The following SLC22A9 variants were observed in gnomAD, a reference collection of about 807,000 sequenced individuals.
SLC22A9 encodes solute carrier family 22 member 9.
A neutral mutation model predicts 50.1 loss-of-function variants in SLC22A9; 64 were observed. That is an observed-to-expected ratio of 1.28 (90% CI 1.04 to 1.57). The LOEUF (loss-of-function observed/expected upper bound fraction) is 1.57, where lower values mean the gene tolerates loss of function less well. Among genes scored for constraint, SLC22A9 ranks in the 40% most tolerant of loss-of-function variants. The pLI, the probability that SLC22A9 is intolerant of heterozygous loss-of-function variation, is 0.00. For synonymous variants in SLC22A9, 261 were observed against 242.5 expected (o/e 1.08, Z -0.71); for missense variants, 757 against 676.1 (o/e 1.12, Z -1.33).
chr11:63,378,550 C>T lies in SLC22A9; in HGVS notation c.954+2782C>T, dbSNP rs145334465. 2.2e-3 allele frequency among the ~76,000 whole-genome samples: 336 copies of T among 151,452 alleles called. 15 individuals are homozygous for T. In the East Asian group the frequency reaches 0.052, roughly 24 times the overall value. On this transcript the variant is annotated intron_variant, in intron 5 of 9. Transcript: ENST00000279178. ...GTAATTAGACAAAAGAAAGAAAAGG[C>T]CACAAAATAGGAAGAGAGGAAGTCA...
intron 7 of SLC22A9, 135 bp from the exon 8 acceptor site, chr11:63,407,977 T>G: frequency 1.6e-6 from 1 of 610,922 alleles, no homozygotes. Flanking sequence ...GCACATTCTT[T>G]GCCTCTATGC....
intron 9 of SLC22A9, 42 bp from the exon 10 acceptor site, chr11:63,409,760 C>A: frequency 6.4e-7 from 1 of 1,573,940 alleles, no homozygotes; most frequent in Non-Finnish European, 8.6e-7. Context: ...CATGTCTTTT[C>A]ATTTTTGTGA....
chr11:63,402,778 C>T (rs549193677), intron 6 of SLC22A9, among the ~76,000 whole-genome samples: 2 of 152,136 alleles, frequency 1.3e-5, no homozygotes, highest in East Asian at 3.9e-4. Flanking sequence ...GCACTTCTAG[C>T]CATTATACCA....
At chr11:63,387,802 T>G (rs1363092294) in intron 6 of SLC22A9, among the ~76,000 whole-genome samples, 1 of 152,158 alleles carries the variant, frequency 6.6e-6, no homozygotes, top group East Asian at 1.9e-4. Flanking sequence ...TATCTTTCCA[T>G]TTTTAATCCT....
At position 63,374,422 on chromosome 11, in the gene SLC22A9, A is replaced by G. The variant is rs527789853; in HGVS notation, c.830+360A>G. Among the ~76,000 whole-genome samples the G allele has an allele frequency of 2.0e-5, 3 of 152,338 alleles. No individual in the cohort carries two copies. The South Asian group carries it at 6.2e-4, about 32-fold the overall frequency. ...GGAAGTCCCATTAAATTCAAATTTC[A>G]GATAAGGGATGAATAATTTTTAATA... On this transcript the variant is annotated intron_variant, in intron 4 of 9. Coordinates refer to ENST00000279178, the MANE Select transcript of SLC22A9 (RefSeq NM_080866.3).
intron 5 of SLC22A9, among the ~76,000 whole-genome samples, chr11:63,378,990 CA>C (rs1288165210): frequency 6.6e-6 from 1 of 152,048 alleles, no homozygotes; most frequent in Non-Finnish European, 1.5e-5. Context: ...CTACCAAAGA[CA>C]TTTTTTATAG....
At chr11:63,399,748 T>G (rs1464958034) in intron 6 of SLC22A9, among the ~76,000 whole-genome samples, 1 of 152,142 alleles carries the variant, frequency 6.6e-6, no homozygotes, top group Non-Finnish European at 1.5e-5. Flanking sequence ...GGATGTACAT[T>G]CTTCCCATCA....
At chr11:63,381,672 C>G (rs2014563330) in intron 5 of SLC22A9, among the ~76,000 whole-genome samples, 1 of 152,086 alleles carries the variant, frequency 6.6e-6, no homozygotes, top group South Asian at 2.1e-4. Context: ...CCCTCCTTCC[C>G]CAACCTTCAG....
At position 63,380,447 on chromosome 11, in the gene SLC22A9, C is replaced by T. The variant is rs534753718; in HGVS notation, c.955-1712C>T. Reference sequence around the variant, plus strand: ...ACATGGAATCAACCTAAATGCCCATCAACAGTGGACTGGATAAAGGAAATG... The same window carrying T: ...ACATGGAATCAACCTAAATGCCCATTAACAGTGGACTGGATAAAGGAAATG... On this transcript the variant is annotated intron_variant, in intron 5 of 9. Coordinates refer to ENST00000279178, the MANE Select transcript of SLC22A9 (RefSeq NM_080866.3). Among the ~76,000 whole-genome samples the T allele has an allele frequency of 2.7e-3, 418 of 152,186 alleles. 3 individuals carry two copies. The highest frequency in any genetic ancestry group is 2.6e-3 in the Non-Finnish European group (176 of 68,002).
intron 6 of SLC22A9, among the ~76,000 whole-genome samples, chr11:63,400,098 G>T (rs2014927540): frequency 6.6e-6 from 1 of 151,904 alleles, no homozygotes; most frequent in Non-Finnish European, 1.5e-5. Context: ...ACTTCAAATA[G>T]CCTAGGATGT....
At chr11:63,370,601 A>C in intron 1 of SLC22A9, 143 bp downstream of exon 1, 1 of 963,056 alleles carries the variant, frequency 1.0e-6, no homozygotes, top group Non-Finnish European at 1.5e-6. Context: ...TCTTTATTAA[A>C]TGTCTGACAC....
chr11:63,409,012 C>T (rs565418184), intron 9 of SLC22A9, 133 bp downstream of exon 9: 2 of 962,946 alleles, frequency 2.1e-6, no homozygotes, highest in African/African-American at 1.6e-5. Context: ...TAATCAGTGC[C>T]TTAGGTCTAG....
chr11:63,389,262 C>T (rs940091658), intron 6 of SLC22A9, among the ~76,000 whole-genome samples: 5 of 151,868 alleles, frequency 3.3e-5, no homozygotes, highest in African/African-American at 1.2e-4. Context: ...TTTGCTGCAC[C>T]TATCAACCCG....
chr11:63,409,842 G>T lies in SLC22A9; in HGVS notation c.1642G>T (p.Val548Leu). Residue 548 changes from valine to leucine, a missense_variant, in exon 10 of 10, where the codon GTG becomes TTG. By Grantham distance (32) the Val-to-Leu change is conservative. Transcript: ENST00000279178. The stretch of plus-strand genomic sequence containing the variant: ...AGAACCAAAGCAAGAGGATCCGAGA[G>T]TGGAAGTGACGCAGTTTTAAGGAAT... ...PREPKQEDPRVEVTQF is the reference protein window; with the variant it reads ...PREPKQEDPRLEVTQF 6.2e-7 allele frequency: 1 copy of T among 1,613,724 alleles called. No homozygotes were observed. The highest frequency in any genetic ancestry group is 8.5e-7 in the Non-Finnish European group (1 of 1,179,816).
At chr11:63,386,268 C>A (rs1173743910) in intron 6 of SLC22A9, among the ~76,000 whole-genome samples, 1 of 151,556 alleles carries the variant, frequency 6.6e-6, no homozygotes, top group Non-Finnish European at 1.5e-5. Context: ...TTGTTGTATT[C>A]CTGCCAGGTT....
chr11:63,400,355 A>G (rs528951934), intron 6 of SLC22A9, among the ~76,000 whole-genome samples: 15 of 152,122 alleles, frequency 9.9e-5, no homozygotes, highest in Middle Eastern at 3.2e-3. Context: ...AATCCAATGG[A>G]TCATTAGAGA....
chr11:63,405,457 TG>T (rs2015020920), intron 6 of SLC22A9, among the ~76,000 whole-genome samples: 1 of 152,186 alleles, frequency 6.6e-6, no homozygotes, highest in African/African-American at 2.4e-5. Context: ...AAGATACATA[TG>T]TATTCTGAAA....
At chr11:63,376,069 C>A (rs1426675347) in intron 5 of SLC22A9, among the ~76,000 whole-genome samples, 1 of 152,006 alleles carries the variant, frequency 6.6e-6, no homozygotes, top group Non-Finnish European at 1.5e-5. Context: ...TAGGAGTAAC[C>A]AAAACTAGTT....
At position 63,408,204 on chromosome 11, in the gene SLC22A9, A is replaced by G. The variant is rs944013997; in HGVS notation, c.1381A>G (p.Ile461Val). 9 of 1,613,458 alleles carry G rather than the reference A, an allele frequency of 5.6e-6. No individual in the cohort carries two copies. The highest frequency in any genetic ancestry group is 1.3e-5 in the African/African-American group (1 of 74,906). Residue 461 changes from isoleucine to valine, a missense_variant, in exon 8 of 10, where the codon ATT (isoleucine) becomes GTT (valine). By Grantham distance (29) the Ile-to-Val change is conservative. Coordinates refer to ENST00000279178, the MANE Select transcript of SLC22A9 (RefSeq NM_080866.3). ...TLAFAHGNEV[I>V]PTIIRARAMG... Reference sequence around the variant, plus strand: ...TGCTTTTGCCCATGGAAATGAAGTAATTCCCACCATAATCAGGTACAGAAC... The same window carrying G: ...TGCTTTTGCCCATGGAAATGAAGTAGTTCCCACCATAATCAGGTACAGAAC...
Sources: gnomAD v4.1 joint callset for allele counts (sites outside exome capture counted in the v4.1 genomes callset) on GRCh38, gnomAD v4.1.1 for gene constraint, MANE v1.5 for transcripts, NCBI Gene and HGNC (gene_info 2026-07-23, HGNC 2026-07-21) for gene names.